USP3: variants seen among roughly 807,000 people sequenced by gnomAD.
USP3 encodes the protein ubiquitin specific peptidase 3.
A neutral mutation model predicts 72.3 loss-of-function variants in USP3; 20 were observed. That is an observed-to-expected ratio of 0.28 (90% CI 0.19 to 0.40). The LOEUF (loss-of-function observed/expected upper bound fraction) is 0.40. USP3 is among the 10% of genes least tolerant of loss of function. The pLI is 1.00. For synonymous variants in USP3, 222 were observed against 225.3 expected, an observed-to-expected ratio of 0.99 and a Z score of 0.13; for missense variants, 479 against 633.9, an observed-to-expected ratio of 0.76 and a Z score of 2.62.
chr15:63,506,852 A>G (rs1380636242), intron 1 of USP3, among the ~76,000 whole-genome samples: 1 of 152,212 alleles, frequency 6.6e-6, no homozygotes, highest in Non-Finnish European at 1.5e-5. Flanking sequence ...GAACCAATAA[A>G]GCGAGTTTCG....
chr15:63,564,205 C>T (rs530316726), intron 8 of USP3, among the ~76,000 whole-genome samples: 31 of 152,156 alleles, frequency 2.0e-4, no homozygotes, highest in African/African-American at 7.5e-4. Context: ...TGTGTGCCAC[C>T]CACTGGGTAT....
chr15:63,512,422 T>C (rs546394474), intron 1 of USP3, among the ~76,000 whole-genome samples: 1 of 150,776 alleles, frequency 6.6e-6, no homozygotes, highest in African/African-American at 2.4e-5. Flanking sequence ...CTTCTTTCTT[T>C]TTCTTTCTTC....
intron 11 of USP3, among the ~76,000 whole-genome samples, chr15:63,577,187 C>G (rs989120256): frequency 1.3e-5 from 2 of 152,206 alleles, no homozygotes; most frequent in Non-Finnish European, 2.9e-5. Flanking sequence ...GTAGTTTGAT[C>G]TCACTTATAT....
intron 3 of USP3, 83 bp downstream of exon 3, chr15:63,537,239 C>T (rs1306407808): frequency 1.4e-6 from 2 of 1,453,518 alleles, no homozygotes; most frequent in Non-Finnish European, 1.8e-6. Flanking sequence ...GTCTCTAAGC[C>T]AGTTACTACT....
rs552093092 is a variant in USP3, at chr15:63,531,890, C to T, written c.92-757C>T. On this transcript the variant is annotated intron_variant, in intron 1 of 14. Coordinates refer to ENST00000380324, the MANE Select transcript of USP3 (RefSeq NM_006537.4). Reference sequence around the variant, plus strand: ...CATGTTCTTTGTACTTCCTTCCCCACGCCAATGTAGATAACCTTGAGTAGA... The same window carrying T: ...CATGTTCTTTGTACTTCCTTCCCCATGCCAATGTAGATAACCTTGAGTAGA... 2.6e-5 allele frequency among the ~76,000 whole-genome samples: 4 copies of T among 152,256 alleles called. No homozygotes were observed. In the South Asian group the frequency reaches 6.2e-4, roughly 24 times the overall value.
In USP3 at chr15:63,529,315, A is replaced by G. The variant is rs539150938; in HGVS notation, c.92-3332A>G. 4.1e-4 allele frequency: 149 copies of G among 361,246 alleles called. No homozygotes were observed. The East Asian group carries it at 0.011, about 26-fold the overall frequency. The allele number at this position is 361,246 out of a possible 1,614,324, so 22.4% of individuals were successfully genotyped here. ...CATTACGTATCTGTCTGTCTAATTG[A>G]TGCACAATTCACATAACATAAAGTT... On this transcript the variant is annotated intron_variant, in intron 1 of 14. Transcript: ENST00000380324. This position sits in a 1 kb window ranked among gnomAD's most constrained non-coding sequence, Gnocchi z 4.2.
At chr15:63,584,858 C>G (rs1308820478) in intron 11 of USP3, among the ~76,000 whole-genome samples, 1 of 152,116 alleles carries the variant, frequency 6.6e-6, no homozygotes, top group Non-Finnish European at 1.5e-5. Flanking sequence ...AGCTTTTCCC[C>G]TACATTTTCT....
Position 63,567,260 on chromosome 15 carries a change from C to T in USP3, c.762-3173C>T, listed in dbSNP as rs550285298. Reference sequence around the variant, plus strand: ...GAGTGCAATGGCACAGTGCAACCTCCGCCTCCCAGGTTCAAGTTATTCTTC... The same window carrying T: ...GAGTGCAATGGCACAGTGCAACCTCTGCCTCCCAGGTTCAAGTTATTCTTC... On this transcript the variant is annotated intron_variant, in intron 8 of 14. Coordinates refer to ENST00000380324, the MANE Select transcript of USP3 (RefSeq NM_006537.4). Among the ~76,000 whole-genome samples, 41 of 152,086 alleles carry T rather than the reference C, an allele frequency of 2.7e-4. No homozygotes were observed. In the South Asian group the frequency reaches 6.8e-3, roughly 25 times the overall value.
chr15:63,522,064 C>T (rs139458746), intron 1 of USP3, among the ~76,000 whole-genome samples: 44 of 152,314 alleles, frequency 2.9e-4, no homozygotes, highest in Admixed American at 1.5e-3. Flanking sequence ...GTTGTAGAGG[C>T]GAGGTCTCAC....
At chr15:63,580,394 A>G (rs2066933324) in intron 11 of USP3, among the ~76,000 whole-genome samples, 1 of 152,010 alleles carries the variant, frequency 6.6e-6, no homozygotes, top group Non-Finnish European at 1.5e-5. Context: ...TGTCACCTTT[A>G]TAATACCTAT....
intron 1 of USP3, among the ~76,000 whole-genome samples, chr15:63,505,182 G>T (rs1002952277): frequency 4.6e-5 from 7 of 151,928 alleles, no homozygotes; most frequent in Non-Finnish European, 8.8e-5. Context: ...CGTGTTGCGG[G>T]GTCGCCTGTG....
Position 63,588,779 on chromosome 15 carries a change from A to T in USP3, c.1293A>T (p.Pro431=). The T allele has an allele frequency of 6.2e-7, 1 of 1,614,192 alleles. No individual in the cohort carries two copies. Among genetic ancestry groups the T allele is most frequent in the Non-Finnish European group, 8.5e-7 (1 of 1,180,006 alleles). Residue 431 remains proline, a synonymous_variant, in exon 13 of 15, where the codon CCA becomes CCT. Transcript: ENST00000380324. The surrounding 1 kb of genome is among the most constrained non-coding windows in gnomAD (Gnocchi z 4.6). Reference sequence around the variant, plus strand: ...AAGTTGATACATACGTAGAATTTCCACTGAGAGGCCTAGACATGAAATGCT... The same window carrying T: ...AAGTTGATACATACGTAGAATTTCCTCTGAGAGGCCTAGACATGAAATGCT... ...RNKVDTYVEF[P]LRGLDMKCYL... is the part of the protein sequence containing the mutation.
At chr15:63,533,419 A>G (rs1455659574) in intron 2 of USP3, among the ~76,000 whole-genome samples, 1 of 152,166 alleles carries the variant, frequency 6.6e-6, no homozygotes, top group Admixed American at 6.5e-5. Flanking sequence ...TATTATTTAA[A>G]TAGTAACTCT....
At chr15:63,533,879 T>A in intron 2 of USP3, 1 of 1,217,202 alleles carries the variant, frequency 8.2e-7, no homozygotes, top group Non-Finnish European at 1.0e-6. Context: ...ACTTAAATTC[T>A]GCAGTTGAAG....
chr15:63,580,660 A>ATATATATATATAT (rs60776150), intron 11 of USP3, among the ~76,000 whole-genome samples: 2,944 of 112,696 alleles, frequency 0.026, 198 homozygotes, highest in African/African-American at 0.05. Context: ...ATGAATATAT[A>ATATATATATATAT]ATATATATAT....
At chr15:63,555,461 A>C (rs2066494416) in intron 4 of USP3, among the ~76,000 whole-genome samples, 1 of 151,780 alleles carries the variant, frequency 6.6e-6, no homozygotes, top group South Asian at 2.1e-4. Flanking sequence ...TGAATTTTAA[A>C]CTTCAAGTTT....
chr15:63,504,995 GAGC>G, intron 1 of USP3, among the ~76,000 whole-genome samples, 165 bp downstream of exon 1: 1 of 150,436 alleles, frequency 6.6e-6, no homozygotes, highest in African/African-American at 2.4e-5. Context: ...GCGCGTGCGG[GAGC>G]GGCGGCGGCT....
chr15:63,571,642 T>A (rs2066780433), intron 9 of USP3, among the ~76,000 whole-genome samples: 1 of 152,046 alleles, frequency 6.6e-6, no homozygotes, highest in Non-Finnish European at 1.5e-5. Flanking sequence ...CTGGGCACTA[T>A]CATGGATAGG....
At chr15:63,533,832 A>G (rs1427124482) in intron 2 of USP3, 3 of 1,235,510 alleles carry the variant, frequency 2.4e-6, no homozygotes, top group Non-Finnish European at 3.1e-6. Flanking sequence ...TACTTTGTAC[A>G]GATAACTTTT....
Sources: allele counts gnomAD v4.1 joint callset (sites outside exome capture counted in the v4.1 genomes callset), GRCh38; gene constraint gnomAD v4.1.1; non-coding constraint Gnocchi (gnomAD v3.1); transcripts MANE v1.5; gene names NCBI Gene and HGNC (gene_info 2026-07-23, HGNC 2026-07-21).